Variants in CAMKMT observed in about 807,000 individuals in gnomAD.
The protein encoded by CAMKMT is CaM KMT.
Under a neutral mutation model 48.0 loss-of-function variants are expected in CAMKMT, and 53 were observed. That is an observed-to-expected ratio of 1.10 (90% confidence interval 0.89 to 1.39). CAMKMT has a LOEUF of 1.39. Among genes scored for constraint, CAMKMT ranks in the 40% most tolerant of loss-of-function variants. CAMKMT has a pLI of 0.00. For missense variants in CAMKMT, 428 were observed against 402.7 expected (o/e 1.06, Z -0.54); for synonymous variants, 165 against 152.3 (o/e 1.08, Z -0.61).
At chr2:44,523,526 C>T (rs570424493) in intron 3 of CAMKMT, among the ~76,000 whole-genome samples, 131 of 151,674 alleles carry the variant, frequency 8.6e-4, no homozygotes, top group South Asian at 2.7e-3. Flanking sequence ...AACTCCTGAC[C>T]GCAGGTGATC....
chr2:44,616,488 C>A (rs1313243599), intron 3 of CAMKMT, among the ~76,000 whole-genome samples: 1 of 152,006 alleles, frequency 6.6e-6, no homozygotes, highest in Admixed American at 6.6e-5. Flanking sequence ...GACTTAAAAG[C>A]TTTTTATTAC....
intron 3 of CAMKMT, chr2:44,457,070 T>C (rs2104607265): frequency 6.5e-6 from 1 of 152,728 alleles, no homozygotes; most frequent in South Asian, 2.1e-4. Context: ...ATATGTACTA[T>C]GCTCATATGA....
At chr2:44,534,253 G>T (rs1572735224) in intron 3 of CAMKMT, among the ~76,000 whole-genome samples, 1 of 152,064 alleles carries the variant, frequency 6.6e-6, no homozygotes, top group Non-Finnish European at 1.5e-5. Context: ...TAAAGAGATA[G>T]ACTTCCTATA....
chr2:44,768,359 ATATTTTT>A (rs1680939066), intron 10 of CAMKMT, among the ~76,000 whole-genome samples: 1 of 101,546 alleles, frequency 9.8e-6, no homozygotes, highest in Non-Finnish European at 2.0e-5. Context: ...ATATATATAT[ATATTTTT>A]TTTTTTTTTT....
chr2:44,590,946 G>A (rs1318069845), intron 3 of CAMKMT, among the ~76,000 whole-genome samples: 1 of 151,734 alleles, frequency 6.6e-6, no homozygotes. Flanking sequence ...TGTAAGGAAG[G>A]GATCCAGTTT....
chr2:44,551,974 A>G (rs1253305021), intron 3 of CAMKMT, among the ~76,000 whole-genome samples: 1 of 152,146 alleles, frequency 6.6e-6, no homozygotes, highest in African/African-American at 2.4e-5. Context: ...TTTCTAACAT[A>G]TAGATTTTTT....
At chr2:44,730,150 A>C (rs1038479389) in intron 7 of CAMKMT, among the ~76,000 whole-genome samples, 1 of 152,228 alleles carries the variant, frequency 6.6e-6, no homozygotes, top group African/African-American at 2.4e-5. Context: ...TGCTGAGAAC[A>C]AAGACTTGGG....
intron 3 of CAMKMT, among the ~76,000 whole-genome samples, chr2:44,557,578 C>T (rs1668082602): frequency 6.6e-6 from 1 of 152,096 alleles, no homozygotes; most frequent in Non-Finnish European, 1.5e-5. Flanking sequence ...CTCCCTCCTT[C>T]CCTTCTTTCC....
chr2:44,771,812 GA>G (rs1408635828), intron 10 of CAMKMT, among the ~76,000 whole-genome samples: 3 of 151,986 alleles, frequency 2.0e-5, no homozygotes, highest in South Asian at 2.1e-4. Context: ...GGGTATTTAT[GA>G]AAAAAACCCT....
chr2:44,501,619 A>T (rs183793808), intron 3 of CAMKMT, among the ~76,000 whole-genome samples: 1 of 152,168 alleles, frequency 6.6e-6, no homozygotes, highest in African/African-American at 2.4e-5. Context: ...TTGTCCTATT[A>T]AAAAATTAAT....
chr2:44,706,139 C>A, intron 4 of CAMKMT, 148 bp from the exon 5 acceptor site: 1 of 631,244 alleles, frequency 1.6e-6, no homozygotes. Flanking sequence ...AAACGCAAAA[C>A]GACATGAGGT....
At chr2:44,563,925 G>A (rs536313364) in intron 3 of CAMKMT, among the ~76,000 whole-genome samples, 11 of 152,182 alleles carry the variant, frequency 7.2e-5, no homozygotes, top group South Asian at 4.2e-4. Flanking sequence ...GAATAGTGCC[G>A]CAATGAACAT....
At chr2:44,611,042 G>T (rs1479830154) in intron 3 of CAMKMT, among the ~76,000 whole-genome samples, 1 of 152,160 alleles carries the variant, frequency 6.6e-6, no homozygotes, top group East Asian at 1.9e-4. Context: ...GTCCAGGGAG[G>T]ATAATAGTCT....
At chr2:44,518,043 T>C (rs1475297868) in intron 3 of CAMKMT, among the ~76,000 whole-genome samples, 2 of 152,066 alleles carry the variant, frequency 1.3e-5, no homozygotes, top group Admixed American at 1.3e-4. Flanking sequence ...CAGTGTTTTG[T>C]GGGGCTTAGG....
chr2:44,414,980 C>G (rs541641495), intron 3 of CAMKMT, among the ~76,000 whole-genome samples: 37 of 152,186 alleles, frequency 2.4e-4, no homozygotes, highest in Admixed American at 1.8e-3. Flanking sequence ...ATGGTAAAAC[C>G]CCATCTCTAC....
At chr2:44,706,431 T>A in intron 5 of CAMKMT, 90 bp downstream of exon 5, 1 of 1,250,174 alleles carries the variant, frequency 8.0e-7, no homozygotes, top group Non-Finnish European at 1.2e-6. Flanking sequence ...CAGAGAACCG[T>A]CAACAGCATC....
At chr2:44,489,115 C>T (rs1194945790) in intron 3 of CAMKMT, among the ~76,000 whole-genome samples, 1 of 152,130 alleles carries the variant, frequency 6.6e-6, no homozygotes, top group Non-Finnish European at 1.5e-5. Flanking sequence ...AATCCTCCTC[C>T]TGCCTCAGCC....
At chr2:44,574,171 C>G (rs922727398) in intron 3 of CAMKMT, among the ~76,000 whole-genome samples, 1 of 152,158 alleles carries the variant, frequency 6.6e-6, no homozygotes, top group African/African-American at 2.4e-5. Flanking sequence ...TTATATATCC[C>G]TAGAAACGGC....
chr2:44,495,867 T>G (rs892867384), intron 3 of CAMKMT, among the ~76,000 whole-genome samples: 1 of 152,230 alleles, frequency 6.6e-6, no homozygotes, highest in Non-Finnish European at 1.5e-5. Context: ...TGGGTTGCTT[T>G]TGAGTAGATC....
Sources: allele counts gnomAD v4.1 joint callset (sites outside exome capture counted in the v4.1 genomes callset), GRCh38; gene constraint gnomAD v4.1.1; transcripts MANE v1.5; gene names NCBI Gene and HGNC (gene_info 2026-07-23, HGNC 2026-07-21).